The following CD300A variants were observed in gnomAD, a reference collection of about 807,000 sequenced individuals.
CD300A encodes CD300a molecule.
A neutral mutation model predicts 33.6 loss-of-function variants in CD300A; 22 were observed. The ratio of observed to expected loss-of-function variants is 0.66; its 90% confidence interval spans 0.47 to 0.94. The LOEUF is 0.94. Ranked by LOEUF, CD300A falls within the 40% of genes least tolerant of loss-of-function variation. The pLI, the probability that CD300A is intolerant of heterozygous loss-of-function variation, is 0.00. For synonymous variants in CD300A, 136 were observed against 148.1 expected, an observed-to-expected ratio of 0.92 and a Z score of 0.59; for missense variants, 326 against 360.5, an observed-to-expected ratio of 0.90 and a Z score of 0.77.
chr17:74,468,169 A>G (rs1598445024), intron 1 of CD300A, among the ~76,000 whole-genome samples: 1 of 151,384 alleles, frequency 6.6e-6, no homozygotes, highest in South Asian at 2.1e-4. Flanking sequence ...CGAGTAGCTG[A>G]GATTACAGGC....
intron 2 of CD300A, among the ~76,000 whole-genome samples, chr17:74,474,274 C>A (rs1328386923): frequency 6.6e-6 from 1 of 152,132 alleles, no homozygotes; most frequent in African/African-American, 2.4e-5. Context: ...GACTCCTCTG[C>A]AGCATGGAGT....
intron 5 of CD300A, 154 bp from the exon 6 acceptor site, chr17:74,481,572 A>T: frequency 1.5e-6 from 1 of 670,784 alleles, no homozygotes; most frequent in Non-Finnish European, 2.6e-6. Flanking sequence ...CCTGGGGAAC[A>T]TTAAACTACT....
chr17:74,466,895 G>A (rs1344915197), intron 1 of CD300A, 152 bp downstream of exon 1: 22 of 1,489,162 alleles, frequency 1.5e-5, no homozygotes, highest in Non-Finnish European at 1.9e-5. Flanking sequence ...AAGATGGACA[G>A]ATGAAGGTCC....
At position 74,477,436 on chromosome 17, in the gene CD300A, G is replaced by A. The variant is rs1171940808; in HGVS notation, c.534G>A (p.Gln178=). ...QEETEEVVNS[Q]LPLLLSLLAL... Reference sequence around the variant, plus strand: ...CCTTACCATCCTGTGCCTCCTCCAGGCTCCCGCTGCTCCTCTCCCTGCTGG... The same window carrying A: ...CCTTACCATCCTGTGCCTCCTCCAGACTCCCGCTGCTCCTCTCCCTGCTGG... Residue 178 remains glutamine (Q), a splice_region_variant and synonymous_variant, in exon 4 of 7, where the codon CAG becomes CAA. Transcript: ENST00000360141. 3 of 1,612,832 alleles carry A rather than the reference G, an allele frequency of 1.9e-6. No individual in the cohort carries two copies. The highest frequency in any genetic ancestry group is 2.5e-6 in the Non-Finnish European group (3 of 1,179,288).
At chr17:74,478,259 C>T (rs117542159) in intron 4 of CD300A, among the ~76,000 whole-genome samples, 2,871 of 152,332 alleles carry the variant, frequency 0.019, 44 homozygotes, top group Non-Finnish European at 0.028. Context: ...CCCCTCCTGG[C>T]TATACCTCTG....
chr17:74,475,460 T>TAAGC (rs1906399506), intron 3 of CD300A, among the ~76,000 whole-genome samples: 1 of 152,218 alleles, frequency 6.6e-6, no homozygotes, highest in Non-Finnish European at 1.5e-5. Flanking sequence ...AGGCTAAGGC[T>TAAGC]AAGCTTCCAA....
chr17:74,477,306 C>A, intron 3 of CD300A, 130 bp from the exon 4 acceptor site: 1 of 587,960 alleles, frequency 1.7e-6, no homozygotes, highest in South Asian at 2.3e-5. Flanking sequence ...GAGCCATGAT[C>A]ACCACTGCAC....
At chr17:74,467,531 A>T (rs1490574228) in intron 1 of CD300A, among the ~76,000 whole-genome samples, 1 of 152,136 alleles carries the variant, frequency 6.6e-6, no homozygotes, top group Non-Finnish European at 1.5e-5. Context: ...AAGCGCAGGG[A>T]TTCCTCCCGC....
At chr17:74,467,537 C>T (rs889981239) in intron 1 of CD300A, among the ~76,000 whole-genome samples, 4 of 152,160 alleles carry the variant, frequency 2.6e-5, no homozygotes, top group Non-Finnish European at 5.9e-5. Flanking sequence ...AGGGATTCCT[C>T]CCGCAGAGTC....
intron 1 of CD300A, among the ~76,000 whole-genome samples, chr17:74,467,737 C>T (rs113377660): frequency 7.6e-4 from 116 of 152,318 alleles, no homozygotes; most frequent in African/African-American, 2.5e-3. Flanking sequence ...GACTTGGAAA[C>T]GGGTCATCCT....
chr17:74,476,625 C>T (rs1906478841), intron 3 of CD300A, among the ~76,000 whole-genome samples: 1 of 152,204 alleles, frequency 6.6e-6, no homozygotes, highest in Non-Finnish European at 1.5e-5. Context: ...GCATCAGCCT[C>T]CTGGTCAATC....
At chr17:74,469,781 T>C (rs1905972423) in intron 1 of CD300A, among the ~76,000 whole-genome samples, 1 of 152,110 alleles carries the variant, frequency 6.6e-6, no homozygotes, top group African/African-American at 2.4e-5. Context: ...GCCGAGATCA[T>C]GCCACTGAGC....
chr17:74,483,888 A>G, intron 6 of CD300A, 113 bp from the exon 7 acceptor site: 1 of 1,216,806 alleles, frequency 8.2e-7, no homozygotes, highest in East Asian at 2.4e-5. Flanking sequence ...TGGAGCCTCT[A>G]CAGTGAGGCC....
chr17:74,467,951 A>C (rs1905831962), intron 1 of CD300A, among the ~76,000 whole-genome samples: 1 of 152,302 alleles, frequency 6.6e-6, no homozygotes, highest in East Asian at 1.9e-4. Context: ...AAAGGACCAG[A>C]GCTTCTCATT....
chr17:74,473,901 A>G (rs1267735915), intron 2 of CD300A, 27 bp downstream of exon 2: 11 of 1,598,340 alleles, frequency 6.9e-6, no homozygotes, highest in Non-Finnish European at 9.4e-6. Flanking sequence ...CTCAGCGCCT[A>G]AATAGGCTCA....
At position 74,473,873 on chromosome 17, in the gene CD300A, G is replaced by A. The variant is rs371199392; in HGVS notation, c.378G>A (p.Pro126=). 1.2e-5 allele frequency: 20 copies of A among 1,608,330 alleles called. No individual in the cohort carries two copies. The highest frequency in any genetic ancestry group is 4.4e-5 in the South Asian group (4 of 90,928). ...PVVEVEVSVF[P]ASTSMTPASI... is the part of the protein sequence containing the mutation. Reference sequence around the variant, plus strand: ...TCGAGGTTGAGGTGTCCGTGTTCCCGGGTGAGCCCCTCCTTCCCTCAGCGC... The same window carrying A: ...TCGAGGTTGAGGTGTCCGTGTTCCCAGGTGAGCCCCTCCTTCCCTCAGCGC... The change falls in exon 2 of 7, where the codon CCG becomes CCA. Residue 126 remains proline (P), a splice_region_variant and synonymous_variant. Transcript: ENST00000360141.
In CD300A at chr17:74,473,651, A is replaced by G. The variant is rs772427560; in HGVS notation, c.156A>G (p.Pro52=). ...CCCTCAACAAATACTGGTGCAGACCACCACAGATTTTCCTATGTGACAAGA... is the reference window on the plus strand; with the variant it reads ...CCCTCAACAAATACTGGTGCAGACCGCCACAGATTTTCCTATGTGACAAGA... ...HRTLNKYWCR[P]PQIFLCDKIV... Residue 52 remains proline (P), a synonymous_variant, in exon 2 of 7, where the codon CCA becomes CCG. Transcript: ENST00000360141. 3.1e-6 allele frequency: 5 copies of G among 1,614,228 alleles called. No individual in the cohort carries two copies. In the South Asian group the frequency reaches 3.3e-5, roughly 11 times the overall value.
intron 5 of CD300A, 177 bp downstream of exon 5, chr17:74,481,503 G>C: frequency 1.5e-6 from 1 of 671,532 alleles, no homozygotes; most frequent in South Asian, 1.8e-5. Flanking sequence ...GTCCTGGCCA[G>C]CCTGTCCCCT....
Position 74,466,658 on chromosome 17 carries a change from A to G in CD300A, c.-46A>G, listed in dbSNP as rs3744151. 1.1e-4 allele frequency: 178 copies of G among 1,565,860 alleles called. No homozygotes were observed. In the East Asian group the frequency reaches 4.1e-3, roughly 36 times the overall value. On this transcript the variant is annotated 5_prime_UTR_variant, in exon 1 of 7. Coordinates refer to ENST00000360141, the MANE Select transcript of CD300A (RefSeq NM_007261.4). ...CGTGACTTTCCCCTCGGGTCCAGGT[A>G]GGGCCTGGAGCTGCTGCAAGTGCCG...
Sources: allele counts gnomAD v4.1 joint callset (sites outside exome capture counted in the v4.1 genomes callset), GRCh38; gene constraint gnomAD v4.1.1; transcripts MANE v1.5; gene names NCBI Gene and HGNC (gene_info 2026-07-23, HGNC 2026-07-21).